The following PSMD8 variants were observed in gnomAD, a reference collection of about 807,000 sequenced individuals.
The protein encoded by PSMD8 is proteasome 26S subunit, non-ATPase 8, also known as 26S proteasome non-ATPase regulatory subunit 8.
PSMD8 carries 30 observed loss-of-function variants against 40.0 expected under a neutral mutation model. The observed-to-expected ratio is 0.75, with a 90% CI of 0.56 to 1.02. PSMD8 has a LOEUF of 1.02. Ranked by LOEUF, PSMD8 falls within the 50% of genes least tolerant of loss-of-function variation. The pLI, the probability that PSMD8 is intolerant of heterozygous loss-of-function variation, is 0.00. For missense variants in PSMD8, 461 were observed against 463.9 expected, an observed-to-expected ratio of 0.99 and a Z score of 0.06; for synonymous variants, 208 against 192.5, an observed-to-expected ratio of 1.08 and a Z score of -0.67.
intron 1 of PSMD8, 107 bp downstream of exon 1, chr19:38,375,068 G>A: frequency 3.4e-6 from 5 of 1,478,354 alleles, no homozygotes; most frequent in Non-Finnish European, 4.5e-6. Context: ...CGGTGCCAGC[G>A]AGACTGAGGC....
In PSMD8 at chr19:38,374,732, C is replaced by T; in HGVS notation, c.131C>T (p.Ala44Val). 6.4e-7 allele frequency: 1 copy of T among 1,551,238 alleles called. No individual in the cohort carries two copies. Among genetic ancestry groups the T allele is most frequent in the Non-Finnish European group, 8.7e-7 (1 of 1,151,528 alleles). ...GSTSRPHFRR[A>V]SVCRRRCRKS... ...ACCTCTCGGCCCCACTTCCGCCGGG[C>T]AAGCGTTTGTAGGCGGCGCTGCCGT... The change falls in exon 1 of 7, where the codon GCA becomes GTA. Residue 44 changes from alanine to valine, a missense_variant. Ala to Val is a moderately conservative substitution (Grantham distance 64). Transcript: ENST00000215071.
At chr19:38,381,414 C>T (rs139821876) in intron 5 of PSMD8, 200 of 166,088 alleles carry the variant, frequency 1.2e-3, no homozygotes, top group African/African-American at 4.6e-3. Flanking sequence ...CTTGGGTTGC[C>T]GTGTGCACAA....
chr19:38,379,470 G>T, intron 4 of PSMD8, 65 bp downstream of exon 4: 1 of 1,553,546 alleles, frequency 6.4e-7, no homozygotes, highest in Non-Finnish European at 8.8e-7. Flanking sequence ...GTCTTAGGAG[G>T]GCTTTCCTGA....
At chr19:38,375,129 C>A (rs1209318236) in intron 1 of PSMD8, 168 bp downstream of exon 1, 4 of 1,158,206 alleles carry the variant, frequency 3.5e-6, no homozygotes, top group Non-Finnish European at 4.7e-6. Flanking sequence ...AAAGTGGGGG[C>A]TCGGAGGGCG....
chr19:38,378,875 C>T (rs1970618114), intron 3 of PSMD8, among the ~76,000 whole-genome samples: 1 of 152,096 alleles, frequency 6.6e-6, no homozygotes, highest in Admixed American at 6.5e-5. Context: ...ATCGCTTGAA[C>T]CCGGCAAGCG....
chr19:38,379,984 CAT>C (rs1162676793), intron 4 of PSMD8, among the ~76,000 whole-genome samples: 2 of 152,116 alleles, frequency 1.3e-5, no homozygotes, highest in Non-Finnish European at 2.9e-5. Context: ...TGAATAAAAA[CAT>C]ATTTTTTAAA....
intron 4 of PSMD8, 134 bp from the exon 5 acceptor site, chr19:38,380,765 G>C (rs968572319): frequency 1.6e-6 from 1 of 608,138 alleles, no homozygotes; most frequent in Non-Finnish European, 2.8e-6. Flanking sequence ...GGAAGAGGGG[G>C]TACCCAGGGC....
Position 38,379,337 on chromosome 19 carries a change from T to C in PSMD8, c.634T>C (p.Leu212=). Residue 212 remains leucine (L), a synonymous_variant, in exon 4 of 7, where the codon TTG becomes CTG. Coordinates refer to ENST00000215071, the MANE Select transcript of PSMD8 (RefSeq NM_002812.5). ...CCGGGTGGCTGAGTTCCACACGGAG[T>C]TGGAGCGGCTGCCTGCCAAGGACAT... The part of the protein sequence containing the change: ...QNRVAEFHTE[L]ERLPAKDIQT... 6.2e-7 allele frequency: 1 copy of C among 1,613,896 alleles called. No individual in the cohort carries two copies. The highest frequency in any genetic ancestry group is 8.5e-7 in the Non-Finnish European group (1 of 1,179,864).
At chr19:38,381,310 C>T (rs181515577) in intron 5 of PSMD8, 1 of 236,336 alleles carries the variant, frequency 4.2e-6, no homozygotes, top group Admixed American at 5.3e-5. Flanking sequence ...AGATACCCAT[C>T]CAGTGAGTCA....
At chr19:38,375,117 C>T (rs1970587387) in intron 1 of PSMD8, 156 bp downstream of exon 1, 2 of 1,261,120 alleles carry the variant, frequency 1.6e-6, no homozygotes, top group East Asian at 5.2e-5. Flanking sequence ...TTTGGAACAG[C>T]CAAAGTGGGG....
At position 38,382,392 on chromosome 19, in the gene PSMD8, C is replaced by G. The variant is rs1038542599; in HGVS notation, c.915+164C>G. Reference sequence around the variant, plus strand: ...GCTCTCTGACATCAGTTTCTCTATCCACAGAATGGGGCTAGATACATGGGA... The same window carrying G: ...GCTCTCTGACATCAGTTTCTCTATCGACAGAATGGGGCTAGATACATGGGA... On this transcript the variant is annotated intron_variant, in intron 6 of 6. Transcript: ENST00000215071. The G allele has an allele frequency of 1.4e-5, 9 of 659,718 alleles. No homozygotes were observed. The African/African-American group carries it at 1.6e-4, about 12-fold the overall frequency. The allele number at this position is 659,718 out of a possible 1,614,324, so 40.9% of individuals were successfully genotyped here.
rs1251218828 is a variant in PSMD8, at chr19:38,379,281, G to T, written c.578G>T (p.Gly193Val). The T allele has an allele frequency of 1.2e-6, 2 of 1,613,864 alleles. No homozygotes were observed. The highest frequency in any genetic ancestry group is 2.7e-5 in the African/African-American group (2 of 74,942). ...PESAYMHQLL[G>V]LNLLFLLSQN... ...TCAGCCTATATGCACCAGCTCTTGG[G>T]CCTCAACCTCCTCTTCCTGCTGTCC... The change falls in exon 4 of 7, where the codon GGC becomes GTC. Residue 193 changes from glycine to valine, a missense_variant. Transcript: ENST00000215071.
At chr19:38,378,408 T>C (rs996569460) in intron 3 of PSMD8, among the ~76,000 whole-genome samples, 5 of 149,992 alleles carry the variant, frequency 3.3e-5, no homozygotes, top group Middle Eastern at 3.2e-3. Flanking sequence ...CTCGGGAGGC[T>C]GAGGCAGGAG....
chr19:38,377,920 G>A (rs1250879096), intron 3 of PSMD8, among the ~76,000 whole-genome samples: 1 of 152,196 alleles, frequency 6.6e-6, no homozygotes, highest in East Asian at 1.9e-4. Context: ...GATTATAGGC[G>A]TGAGCCACCG....
In PSMD8 at chr19:38,374,666, G is replaced by A. The variant is rs1420273286; in HGVS notation, c.65G>A (p.Gly22Glu). 1.1e-5 allele frequency: 17 copies of A among 1,535,006 alleles called. No individual in the cohort carries two copies. The highest frequency in any genetic ancestry group is 1.5e-5 in the Non-Finnish European group (17 of 1,144,860). The stretch of plus-strand genomic sequence containing the variant: ...GAGCGACGGCGGGCTACCCGGGGCG[G>A]GCTGAGGCAGGTTGTAGCCCCGCCC... ...PRERRRATRGGLRQVVAPPRA... is the reference protein window; with the variant it reads ...PRERRRATRGELRQVVAPPRA... The change falls in exon 1 of 7, where the codon GGG (glycine) becomes GAG (glutamate). Residue 22 changes from glycine to glutamate, a missense_variant. By Grantham distance (98) the Gly-to-Glu change is moderately conservative. This residue lies in a region of PSMD8 where 225 missense variants were observed against 142.7 expected (regional missense o/e 1.58). Transcript: ENST00000215071.
Position 38,383,682 on chromosome 19 carries a change from GC to G in PSMD8, c.*296del. 2.2e-6 allele frequency: 1 copy of G among 445,178 alleles called. No individual in the cohort carries two copies. The allele number at this position is 445,178 out of a possible 1,614,324, so 27.6% of individuals were successfully genotyped here. A position where few individuals can be genotyped will look rare whatever the true frequency, so the allele number is the denominator to read the frequency against. ...GCACTGTGGCCTGCAGGAGGGCATG[GC>G]CCCAGGTAGGGGGACTGTTCTAGCC... On this transcript the variant is annotated 3_prime_UTR_variant, in exon 7 of 7. Transcript: ENST00000215071.
At position 38,376,136 on chromosome 19, in the gene PSMD8, TTCCC is replaced by T; in HGVS notation, c.361-15_361-12del. ...TATTTGAATTCCCTTCTTTTCTTTC[TTCCC>T]TCCCTCCCCTCCCCATCAGCTAGTT... On this transcript the variant is annotated intron_variant, in intron 1 of 6. Transcript: ENST00000215071. 5 of 1,565,738 alleles carry T rather than the reference TTCCC, an allele frequency of 3.2e-6. No individual in the cohort carries two copies. Among genetic ancestry groups the T allele is most frequent in the Non-Finnish European group, 4.4e-6 (5 of 1,142,202 alleles).
chr19:38,376,970 G>A (rs1361354021), intron 3 of PSMD8, among the ~76,000 whole-genome samples: 2 of 152,232 alleles, frequency 1.3e-5, no homozygotes, highest in African/African-American at 4.8e-5. Context: ...TTACTGCTAT[G>A]TCCCTAGCAC....
At chr19:38,375,417 T>C (rs1210747518) in intron 1 of PSMD8, 3 of 190,596 alleles carry the variant, frequency 1.6e-5, no homozygotes, top group Non-Finnish European at 3.3e-5. Flanking sequence ...AGTGGCAGGA[T>C]TGGGATTCGG....
Sources: allele counts gnomAD v4.1 joint callset (sites outside exome capture counted in the v4.1 genomes callset), GRCh38; gene constraint gnomAD v4.1.1; regional missense constraint gnomAD v4.1.1; transcripts MANE v1.5; gene names NCBI Gene and HGNC (gene_info 2026-07-23, HGNC 2026-07-21).